The following GRID1 variants were observed in gnomAD, a reference collection of about 807,000 sequenced individuals.
GRID1 encodes glutamate receptor ionotropic, delta-1.
A neutral mutation model predicts 98.0 loss-of-function variants in GRID1; 28 were observed. The observed-to-expected ratio is 0.29, with a 90% CI of 0.21 to 0.39. The LOEUF is 0.39. GRID1 is among the 10% of genes least tolerant of loss of function. The pLI, the probability that GRID1 is intolerant of heterozygous loss-of-function variation, is 1.00. For synonymous variants in GRID1, 553 were observed against 538.5 expected, an observed-to-expected ratio of 1.03 and a Z score of -0.37; for missense variants, 1,111 against 1,340.5, an observed-to-expected ratio of 0.83 and a Z score of 2.67.
intron 6 of GRID1, among the ~76,000 whole-genome samples, chr10:85,865,844 G>A (rs1033526376): frequency 1.2e-4 from 18 of 148,938 alleles, no homozygotes; most frequent in African/African-American, 4.2e-4. Flanking sequence ...TCATGATACC[G>A]CCTTGCAAGG....
chr10:85,877,462 C>G (rs1389605090), intron 5 of GRID1, among the ~76,000 whole-genome samples: 5 of 152,216 alleles, frequency 3.3e-5, no homozygotes, highest in Admixed American at 2.6e-4. Flanking sequence ...CACTGTTCTA[C>G]AGCCACCGCT....
chr10:86,340,876 G>A (rs1350488931), intron 2 of GRID1, among the ~76,000 whole-genome samples: 1 of 152,126 alleles, frequency 6.6e-6, no homozygotes, highest in Admixed American at 6.5e-5. Context: ...GGAAGAGAAA[G>A]GCCTTCACTC....
In GRID1 at chr10:86,246,926, A is replaced by G. The variant is rs1042565529; in HGVS notation, c.236-40278T>C. Among the ~76,000 whole-genome samples the G allele has an allele frequency of 3.9e-5, 6 of 152,256 alleles. No homozygotes were observed. In the South Asian group the frequency reaches 1.2e-3, roughly 32 times the overall value. ...TGGACAGCTCACCAAGCTCTGTGGC[A>G]TCCTTGGATCACTAAATATGGCCCC... On this transcript the variant is annotated intron_variant, in intron 2 of 15. Transcript: ENST00000327946.
intron 2 of GRID1, among the ~76,000 whole-genome samples, chr10:86,227,704 C>A (rs1426682460): frequency 6.6e-6 from 1 of 152,146 alleles, no homozygotes; most frequent in African/African-American, 2.4e-5. Context: ...CAGCTCCCAC[C>A]TGTGAAGTCC....
intron 8 of GRID1, among the ~76,000 whole-genome samples, chr10:85,831,626 A>AT (rs1286611402): frequency 1.3e-5 from 2 of 152,140 alleles, no homozygotes; most frequent in African/African-American, 4.8e-5. Context: ...CACAGTGAAA[A>AT]TAAGTTAGAA....
chr10:86,325,774 ACAAC>A (rs1289532931), intron 2 of GRID1, among the ~76,000 whole-genome samples: 2 of 152,256 alleles, frequency 1.3e-5, no homozygotes, highest in African/African-American at 4.8e-5. Context: ...ATCAAAAGTA[ACAAC>A]CCTAACCTGA....
At chr10:85,996,452 T>A (rs1842739295) in intron 4 of GRID1, among the ~76,000 whole-genome samples, 3 of 152,018 alleles carry the variant, frequency 2.0e-5, no homozygotes, top group African/African-American at 4.8e-5. Context: ...ACAAAAAAAA[T>A]TTCACTGGAT....
chr10:85,658,536 G>A (rs1205721846), intron 12 of GRID1, among the ~76,000 whole-genome samples: 1 of 152,328 alleles, frequency 6.6e-6, no homozygotes, highest in Non-Finnish European at 1.5e-5. Context: ...GTCCATATTA[G>A]TATCATCCTA....
At chr10:86,015,932 A>G (rs1354354616) in intron 4 of GRID1, among the ~76,000 whole-genome samples, 1 of 152,220 alleles carries the variant, frequency 6.6e-6, no homozygotes, top group Non-Finnish European at 1.5e-5. Flanking sequence ...GGAAGTAGGA[A>G]GCTGAGGGAC....
intron 8 of GRID1, among the ~76,000 whole-genome samples, chr10:85,841,897 C>T (rs373059457): frequency 1.3e-5 from 2 of 152,048 alleles, no homozygotes; most frequent in South Asian, 2.1e-4. Context: ...TTAGTTCAAC[C>T]ATTGTGGAAG....
At chr10:85,832,920 C>T (rs955383446) in intron 8 of GRID1, among the ~76,000 whole-genome samples, 21 of 152,082 alleles carry the variant, frequency 1.4e-4, no homozygotes, top group African/African-American at 4.8e-4. Flanking sequence ...CTACCCTCCA[C>T]ACCAACCTGG....
At chr10:86,264,660 T>TA (rs1564723201) in intron 2 of GRID1, 1 of 466,994 alleles carries the variant, frequency 2.1e-6, no homozygotes, top group Non-Finnish European at 4.4e-6. Flanking sequence ...GGTGAGTCTG[T>TA]AACCAGAGAG....
At chr10:86,168,086 C>T (rs1845427060) in intron 3 of GRID1, among the ~76,000 whole-genome samples, 1 of 152,164 alleles carries the variant, frequency 6.6e-6, no homozygotes, top group Non-Finnish European at 1.5e-5. Context: ...GAAATGAATG[C>T]AGCCCAAAAA....
chr10:85,650,904 G>A (rs768700707), intron 12 of GRID1, among the ~76,000 whole-genome samples: 2 of 152,230 alleles, frequency 1.3e-5, no homozygotes, highest in Admixed American at 6.5e-5. Context: ...TGTGGATGCT[G>A]CTTTGAATGC....
chr10:86,132,663 A>C (rs1461569031), intron 4 of GRID1, among the ~76,000 whole-genome samples: 1 of 152,256 alleles, frequency 6.6e-6, no homozygotes, highest in African/African-American at 2.4e-5. Context: ...AAATATTTGC[A>C]TATATCATGT....
At chr10:86,289,941 A>G (rs1847489198) in intron 2 of GRID1, among the ~76,000 whole-genome samples, 1 of 152,188 alleles carries the variant, frequency 6.6e-6, no homozygotes, top group African/African-American at 2.4e-5. Context: ...GGTGGGAAGG[A>G]CATTCCTAAG....
intron 4 of GRID1, among the ~76,000 whole-genome samples, chr10:86,133,960 A>G (rs1380968701): frequency 6.6e-6 from 1 of 152,262 alleles, no homozygotes; most frequent in African/African-American, 2.4e-5. Flanking sequence ...CACTCTTTCC[A>G]GTGGAACAAA....
intron 4 of GRID1, among the ~76,000 whole-genome samples, chr10:85,926,658 C>T (rs1169358616): frequency 1.3e-5 from 2 of 152,126 alleles, no homozygotes; most frequent in East Asian, 1.9e-4. Flanking sequence ...CCATTGCCAG[C>T]ACAAAGCACC....
intron 2 of GRID1, among the ~76,000 whole-genome samples, chr10:86,337,692 T>G (rs1848243765): frequency 1.4e-5 from 2 of 143,644 alleles, no homozygotes; most frequent in Non-Finnish European, 3.0e-5. Flanking sequence ...CTCTTCCCTT[T>G]GGGAACTTTT....
Sources: allele counts gnomAD v4.1 joint callset (sites outside exome capture counted in the v4.1 genomes callset), GRCh38; gene constraint gnomAD v4.1.1; transcripts MANE v1.5; gene names NCBI Gene and HGNC (gene_info 2026-07-23, HGNC 2026-07-21).